Variants in HS6ST2 observed in about 807,000 individuals in gnomAD.
HS6ST2 encodes the protein heparan-sulfate 6-O-sulfotransferase 2.
Under a neutral mutation model 33.0 loss-of-function variants are expected in HS6ST2, and 17 were observed. The observed-to-expected ratio is 0.52, with a 90% confidence interval of 0.35 to 0.77. HS6ST2 has a LOEUF of 0.77. Ranked by LOEUF, HS6ST2 falls within the 30% of genes least tolerant of loss-of-function variation. The pLI is 0.01. For synonymous variants in HS6ST2, 248 were observed against 237.1 expected (o/e 1.05, Z -0.42); for missense variants, 519 against 551.7 (o/e 0.94, Z 0.59).
At chrX:132,841,595 G>A (rs1311854588) in intron 2 of HS6ST2, among the ~76,000 whole-genome samples, 1 of 111,880 alleles carries the variant, frequency 8.9e-6, no homozygotes, top group Non-Finnish European at 1.9e-5. Context: ...GCTGGCAGCA[G>A]CAGTCAGTTT....
At chrX:132,655,667 A>C (rs2063725499) in intron 4 of HS6ST2, among the ~76,000 whole-genome samples, 1 of 111,296 alleles carries the variant, frequency 9.0e-6, no homozygotes, top group Admixed American at 9.6e-5. Flanking sequence ...GACAAGAAGA[A>C]GACCAGTATA....
chrX:132,728,572 C>T (rs1027717139), intron 2 of HS6ST2, among the ~76,000 whole-genome samples: 3 of 112,228 alleles, frequency 2.7e-5, no homozygotes, highest in Non-Finnish European at 5.6e-5. Context: ...TTCACAGCAT[C>T]AGGCCCAGCA....
chrX:132,681,207 C>G, intron 3 of HS6ST2, among the ~76,000 whole-genome samples: 1 of 111,220 alleles, frequency 9.0e-6, no homozygotes, highest in Non-Finnish European at 1.9e-5. Flanking sequence ...CAACATGTGC[C>G]AAACAAATAT....
chrX:132,859,359 G>C (rs1014904202), intron 2 of HS6ST2, among the ~76,000 whole-genome samples: 2 of 111,189 alleles, frequency 1.8e-5, no homozygotes, highest in Non-Finnish European at 3.8e-5. Flanking sequence ...GATCATGACA[G>C]AATTATCAAC....
intron 2 of HS6ST2, among the ~76,000 whole-genome samples, chrX:132,865,067 G>T (rs561904125): frequency 9.2e-6 from 1 of 109,069 alleles, no homozygotes; most frequent in Non-Finnish European, 1.9e-5. Flanking sequence ...ATGCTGGTGC[G>T]CTGCACCCAC....
chrX:132,672,724 G>T (rs991474532), intron 3 of HS6ST2, among the ~76,000 whole-genome samples: 3 of 112,217 alleles, frequency 2.7e-5, no homozygotes, highest in Non-Finnish European at 5.6e-5. Context: ...CACTACAAAA[G>T]TGAAAAAACA....
chrX:132,816,317 G>T (rs2065394644), intron 2 of HS6ST2, among the ~76,000 whole-genome samples: 1 of 111,961 alleles, frequency 8.9e-6, no homozygotes, highest in East Asian at 2.8e-4. Flanking sequence ...CTCAATTAAA[G>T]AGGTTTAACT....
chrX:132,952,897 C>T (rs368874487), intron 2 of HS6ST2, among the ~76,000 whole-genome samples: 207 of 111,189 alleles, frequency 1.9e-3, no homozygotes, highest in African/African-American at 6.4e-3. Context: ...GTGGTACCCC[C>T]GGCCCAATCA....
At chrX:132,900,915 A>G (rs1222853247) in intron 2 of HS6ST2, among the ~76,000 whole-genome samples, 1 of 111,910 alleles carries the variant, frequency 8.9e-6, no homozygotes, top group African/African-American at 3.2e-5. Flanking sequence ...ACAAAAAAAA[A>G]GACTCTGCCT....
intron 2 of HS6ST2, among the ~76,000 whole-genome samples, chrX:132,881,344 T>C (rs2066170519): frequency 1.8e-5 from 2 of 111,603 alleles, no homozygotes; most frequent in South Asian, 7.6e-4. Context: ...TGGTATCTCA[T>C]TGTGGTTTTC....
chrX:132,889,038 T>C (rs1470926988), intron 2 of HS6ST2, among the ~76,000 whole-genome samples: 1 of 110,988 alleles, frequency 9.0e-6, no homozygotes, highest in Non-Finnish European at 1.9e-5. Flanking sequence ...TTCCCAATCA[T>C]ACAGGCAGCA....
At chrX:132,671,272 C>A (rs1317427845) in intron 3 of HS6ST2, among the ~76,000 whole-genome samples, 2 of 111,360 alleles carry the variant, frequency 1.8e-5, no homozygotes, top group African/African-American at 3.3e-5. Flanking sequence ...GCCACTGAGC[C>A]TTCCTCCTCC....
At chrX:132,733,447 G>A (rs1334765017) in intron 2 of HS6ST2, among the ~76,000 whole-genome samples, 1 of 109,970 alleles carries the variant, frequency 9.1e-6, no homozygotes, top group Non-Finnish European at 1.9e-5. Flanking sequence ...GACTAGCTAC[G>A]GGTCTCTTTT....
intron 2 of HS6ST2, among the ~76,000 whole-genome samples, chrX:132,864,188 T>C (rs1375700365): frequency 9.1e-6 from 1 of 109,714 alleles, no homozygotes; most frequent in Non-Finnish European, 1.9e-5. Context: ...CCAGCACGCC[T>C]CTTCACCTCC....
intron 2 of HS6ST2, among the ~76,000 whole-genome samples, chrX:132,838,708 G>A (rs923716875): frequency 5.4e-5 from 6 of 110,346 alleles, no homozygotes; most frequent in East Asian, 2.8e-4. Flanking sequence ...TTTCAATATC[G>A]TGAGCTGAAA....
chrX:132,713,042 CA>C (rs199893680), intron 2 of HS6ST2, among the ~76,000 whole-genome samples: 64 of 109,558 alleles, frequency 5.8e-4, no homozygotes, highest in African/African-American at 1.8e-3. Flanking sequence ...CAAAACAAAA[CA>C]AAAAAAACAG....
In HS6ST2 at chrX:132,681,724, T is replaced by C. The variant is rs891179479; in HGVS notation, c.981-12525A>G. Among the ~76,000 whole-genome samples the C allele has an allele frequency of 3.6e-5, 4 of 112,485 alleles. No individual in the cohort carries two copies. In the East Asian group the frequency reaches 1.1e-3, roughly 31 times the overall value. On this transcript the variant is annotated intron_variant, in intron 3 of 4. Coordinates refer to ENST00000370833, the MANE Select transcript of HS6ST2 (RefSeq NM_001394073.1). ...GTGCTTCCTGAAAGTCATGATATCATCTCCGTCACCTCTTTGTAATATAGG... is the reference window on the plus strand; with the variant it reads ...GTGCTTCCTGAAAGTCATGATATCACCTCCGTCACCTCTTTGTAATATAGG...
chrX:132,766,937 G>C (rs1378082116), intron 2 of HS6ST2, among the ~76,000 whole-genome samples: 3 of 111,542 alleles, frequency 2.7e-5, no homozygotes, highest in Non-Finnish European at 5.6e-5. Context: ...GGGGCTCTGC[G>C]AGGTTGAGTA....
intron 2 of HS6ST2, among the ~76,000 whole-genome samples, chrX:132,897,646 G>C (rs1198273915): frequency 9.0e-6 from 1 of 110,805 alleles, no homozygotes; most frequent in Non-Finnish European, 1.9e-5. Flanking sequence ...TTGCTCTTTA[G>C]ACATGCAAAA....
Sources: gnomAD v4.1 joint callset for allele counts (sites outside exome capture counted in the v4.1 genomes callset) on GRCh38, gnomAD v4.1.1 for gene constraint, MANE v1.5 for transcripts, NCBI Gene and HGNC (gene_info 2026-07-23, HGNC 2026-07-21) for gene names.